Variants in TP53BP1 observed in about 807,000 individuals in gnomAD.
TP53BP1 encodes the protein TP53-binding protein 1.
TP53BP1 carries 61 observed loss-of-function variants against 200.8 expected under a neutral mutation model. That is an observed-to-expected ratio of 0.30 (90% CI 0.25 to 0.38). TP53BP1 has a LOEUF of 0.38. Ranked by LOEUF, TP53BP1 falls within the 10% of genes least tolerant of loss-of-function variation. The pLI is 1.00. For synonymous variants in TP53BP1, 822 were observed against 844.3 expected (o/e 0.97, Z 0.46); for missense variants, 2,144 against 2,371.9 (o/e 0.90, Z 2.00).
chr15:43,464,621 A>T (rs576383059), intron 11 of TP53BP1, among the ~76,000 whole-genome samples: 1 of 152,274 alleles, frequency 6.6e-6, no homozygotes, highest in Non-Finnish European at 1.5e-5. Flanking sequence ...AAAGGAATGA[A>T]GGCCAGGCGT....
chr15:43,435,648 C>A (rs540645083), intron 16 of TP53BP1, among the ~76,000 whole-genome samples: 2 of 152,052 alleles, frequency 1.3e-5, no homozygotes, highest in African/African-American at 4.8e-5. Context: ...TTAAATATTT[C>A]TTTCAATAAT....
At chr15:43,420,154 T>C in intron 21 of TP53BP1, 151 bp downstream of exon 21, 1 of 729,486 alleles carries the variant, frequency 1.4e-6, no homozygotes, top group Non-Finnish European at 2.3e-6. Flanking sequence ...GAAAAGTCAG[T>C]GGCAAGAGTA....
chr15:43,490,942 A>G (rs1440187299), intron 4 of TP53BP1, among the ~76,000 whole-genome samples: 2 of 152,204 alleles, frequency 1.3e-5, no homozygotes, highest in Non-Finnish European at 1.5e-5. Flanking sequence ...TGGGTATTAT[A>G]AAGATATGCA....
At chr15:43,492,898 C>A in intron 1 of TP53BP1, 139 bp downstream of exon 1, 1 of 850,084 alleles carries the variant, frequency 1.2e-6, no homozygotes, top group Non-Finnish European at 1.8e-6. Flanking sequence ...TTTCCCCACC[C>A]CCTCCTTAGG....
At chr15:43,449,242 C>G (rs2046112454) in intron 12 of TP53BP1, among the ~76,000 whole-genome samples, 3 of 152,174 alleles carry the variant, frequency 2.0e-5, no homozygotes. Context: ...AGAAATGGGT[C>G]AGGTAGATAA....
Position 43,404,712 on chromosome 15 carries a change from G to A in TP53BP1, c.*2671C>T, listed in dbSNP as rs1411135650. 6.5e-6 allele frequency: 5 copies of A among 763,430 alleles called. No individual in the cohort carries two copies. Among genetic ancestry groups the A allele is most frequent in the Non-Finnish European group, 1.0e-5 (5 of 493,908 alleles). 47.3% of individuals were successfully genotyped at this position (763,430 alleles called of 1,614,324 possible). On this transcript the variant is annotated 3_prime_UTR_variant, in exon 28 of 28. Transcript: ENST00000382044. ...ACCATCTTTAATAATTTTAATGGAG[G>A]TTATTTTCTAGTAGAAGTCATCATC...
chr15:43,503,032 C>CATGA (rs1555411125), intron 1 of TP53BP1, among the ~76,000 whole-genome samples: 70 of 128,470 alleles, frequency 5.4e-4, no homozygotes, highest in African/African-American at 2.8e-3. Context: ...GGATTACATG[C>CATGA]GTGAGCCACC....
intron 24 of TP53BP1, among the ~76,000 whole-genome samples, chr15:43,410,119 G>A (rs1213409828): frequency 6.6e-6 from 1 of 152,158 alleles, no homozygotes; most frequent in Non-Finnish European, 1.5e-5. Flanking sequence ...AATCTTTCCT[G>A]TTGAAAACTA....
At chr15:43,427,001 G>C (rs1236470237) in intron 18 of TP53BP1, among the ~76,000 whole-genome samples, 1 of 141,460 alleles carries the variant, frequency 7.1e-6, no homozygotes, top group African/African-American at 2.6e-5. Flanking sequence ...CTGGGCAACA[G>C]AGCAAGACTC....
upstream of TP53BP1, among the ~76,000 whole-genome samples, chr15:43,496,620 T>TC (rs1416756350): frequency 6.6e-6 from 1 of 150,762 alleles, no homozygotes; most frequent in African/African-American, 2.5e-5. Context: ...AATCATATAT[T>TC]CCTTTTTTTT....
chr15:43,411,165 G>A (rs1277043264), intron 24 of TP53BP1, among the ~76,000 whole-genome samples: 1 of 152,090 alleles, frequency 6.6e-6, no homozygotes, highest in Non-Finnish European at 1.5e-5. Flanking sequence ...TCCTTAATTT[G>A]TCTAATGAAG....
intron 23 of TP53BP1, among the ~76,000 whole-genome samples, chr15:43,413,738 C>T (rs1048523750): frequency 6.6e-6 from 1 of 151,824 alleles, no homozygotes; most frequent in Non-Finnish European, 1.5e-5. Context: ...TTCTCTGTCC[C>T]GTGCTCTGAT....
intron 12 of TP53BP1, among the ~76,000 whole-genome samples, chr15:43,452,521 C>T (rs979594580): frequency 8.7e-5 from 13 of 148,860 alleles, no homozygotes; most frequent in African/African-American, 3.2e-4. Context: ...ATTGATGGTG[C>T]CACTGCACTC....
intron 1 of TP53BP1, among the ~76,000 whole-genome samples, chr15:43,506,550 G>T (rs1375704313): frequency 6.6e-6 from 1 of 152,164 alleles, no homozygotes; most frequent in Non-Finnish European, 1.5e-5. Context: ...TGGATCCTTA[G>T]ACACCTTCGA....
At chr15:43,455,645 C>T (rs1358397027) in intron 12 of TP53BP1, among the ~76,000 whole-genome samples, 8 of 151,614 alleles carry the variant, frequency 5.3e-5, no homozygotes, top group Non-Finnish European at 7.4e-5. Context: ...CACTTGAACC[C>T]GGGAGGTGGA....
intron 15 of TP53BP1, 48 bp downstream of exon 15, chr15:43,441,478 C>T (rs765055976): frequency 7.2e-6 from 9 of 1,251,090 alleles, no homozygotes; most frequent in Non-Finnish European, 1.1e-5. Flanking sequence ...CTACCCTCAT[C>T]ACCAGTAGCT....
intron 18 of TP53BP1, among the ~76,000 whole-genome samples, chr15:43,422,379 G>A (rs998124176): frequency 6.6e-6 from 1 of 151,860 alleles, no homozygotes; most frequent in Admixed American, 6.6e-5. Flanking sequence ...GAGAAGAATT[G>A]TTCATTCTAA....
chr15:43,422,108 C>A lies in TP53BP1; in HGVS notation c.3847G>T (p.Val1283Leu), dbSNP rs1001969610. 13 of 1,613,910 alleles carry A rather than the reference C, an allele frequency of 8.1e-6. No homozygotes were observed. The Admixed American group carries it at 1.0e-4, about 12-fold the overall frequency. Residue 1283 changes from valine to leucine, a missense_variant, in exon 19 of 28, where the codon GTA becomes TTA. By Grantham distance (32) the Val-to-Leu change is conservative. Coordinates refer to ENST00000382044, the MANE Select transcript of TP53BP1 (RefSeq NM_001141980.3). ...TCAGTTTCACACTCCTGACACTCTA[C>A]AATTGGCTCTTCAGTCTCCTGCAAG... The part of the protein sequence containing the change: ...KVTEETEEPI[V>L]ECQECETEVS...
At chr15:43,493,689 A>G (rs959546113), upstream of TP53BP1, among the ~76,000 whole-genome samples, 3 of 152,086 alleles carry the variant, frequency 2.0e-5, no homozygotes, top group African/African-American at 7.2e-5. Context: ...CTGACATTAC[A>G]TCTCTGCCAG....
Sources: gnomAD v4.1 joint callset for allele counts (sites outside exome capture counted in the v4.1 genomes callset) on GRCh38, gnomAD v4.1.1 for gene constraint, MANE v1.5 for transcripts, NCBI Gene and HGNC (gene_info 2026-07-23, HGNC 2026-07-21) for gene names.